RABGEF1: variants seen among roughly 807,000 people sequenced by gnomAD.
RABGEF1 encodes the protein RAB guanine nucleotide exchange factor 1.
A neutral mutation model predicts 57.3 loss-of-function variants in RABGEF1; 26 were observed. That is an observed-to-expected ratio of 0.45 (90% CI 0.33 to 0.63). The LOEUF is 0.63. RABGEF1 is among the 20% of genes least tolerant of loss of function. RABGEF1 has a pLI of 0.02. For missense variants in RABGEF1, 464 were observed against 607.6 expected, an observed-to-expected ratio of 0.76 and a Z score of 2.48; for synonymous variants, 185 against 210.7, an observed-to-expected ratio of 0.88 and a Z score of 1.06.
chr7:66,747,277 T>C (rs1181576439), intron 1 of RABGEF1, among the ~76,000 whole-genome samples: 1 of 152,174 alleles, frequency 6.6e-6, no homozygotes, highest in Non-Finnish European at 1.5e-5. Flanking sequence ...TTTTTAATTT[T>C]CCCCCAGTAA....
intron 1 of RABGEF1, among the ~76,000 whole-genome samples, chr7:66,706,474 A>G (rs1344704887): frequency 6.6e-6 from 1 of 151,898 alleles, no homozygotes; most frequent in African/African-American, 2.4e-5. Flanking sequence ...CAGTGGTGTG[A>G]TCTCTGCTTA....
chr7:66,797,508 T>C lies in RABGEF1; in HGVS notation c.728+2T>C. The C allele has an allele frequency of 6.2e-7, 1 of 1,605,106 alleles. No individual in the cohort carries two copies. Among genetic ancestry groups the C allele is most frequent in the Admixed American group, 1.7e-5 (1 of 57,400 alleles). On this transcript the variant is annotated splice_donor_variant, in intron 6 of 8. Coordinates refer to ENST00000284957, the MANE Select transcript of RABGEF1 (RefSeq NM_014504.3). LOFTEE classifies it high-confidence loss of function. ...TCTTGCCATTCAAAAGAGAATCAGG[T>C]AGTTGCTTATTTTGTTTTGCTTTGT... is the stretch of plus-strand genomic sequence containing the variant.
At chr7:66,807,270 A>G (rs1387819492) in intron 8 of RABGEF1, among the ~76,000 whole-genome samples, 1 of 152,196 alleles carries the variant, frequency 6.6e-6, no homozygotes, top group Non-Finnish European at 1.5e-5. Flanking sequence ...GCTCCAATGA[A>G]ACTGCTCTGG....
At chr7:66,655,802 C>A in the RABGEF1 span, among the ~76,000 whole-genome samples, 1 of 152,174 alleles carries the variant, frequency 6.6e-6, no homozygotes, top group African/African-American at 2.4e-5. Flanking sequence ...TGATTCATAT[C>A]TGCAGGATTA....
At position 66,743,019 on chromosome 7, in the gene RABGEF1, G is replaced by A. The variant is rs144208218; in HGVS notation, c.-18+2227G>A. On this transcript the variant is annotated intron_variant, in intron 1 of 8. Coordinates refer to ENST00000284957, the MANE Select transcript of RABGEF1 (RefSeq NM_014504.3). Reference sequence around the variant, plus strand: ...GCTGGGTCCTTGTGTGGTTAAAATGGGTCTCTCTGGCCAGGCGCGGTGGCT... The same window carrying A: ...GCTGGGTCCTTGTGTGGTTAAAATGAGTCTCTCTGGCCAGGCGCGGTGGCT... Among the ~76,000 whole-genome samples, 1,155 of 152,144 alleles carry A rather than the reference G, an allele frequency of 7.6e-3. 17 individuals are homozygous for A. Among genetic ancestry groups the A allele is most frequent in the African/African-American group, 0.026 (1,086 of 41,510 alleles).
At chr7:66,701,884 G>A (rs577992507) in intron 1 of RABGEF1, among the ~76,000 whole-genome samples, 33 of 152,022 alleles carry the variant, frequency 2.2e-4, no homozygotes, top group Non-Finnish European at 2.4e-4. Context: ...TTTTATTGAT[G>A]ACTGTTTTTA....
chr7:66,684,585 G>A (rs1181205421), intron 1 of RABGEF1, among the ~76,000 whole-genome samples: 1 of 152,148 alleles, frequency 6.6e-6, no homozygotes, highest in Non-Finnish European at 1.5e-5. Flanking sequence ...CTCCCAAGTA[G>A]CTGGGAACAC....
Position 66,795,573 on chromosome 7 carries a change from G to C in RABGEF1, c.576G>C (p.Arg192Ser). 1 of 1,609,854 alleles carries C rather than the reference G, an allele frequency of 6.2e-7. No homozygotes were observed. Among genetic ancestry groups the C allele is most frequent in the Non-Finnish European group, 8.5e-7 (1 of 1,176,120 alleles). ...AQDFYHNVAE[R>S]MQTRGKVPPE... ...ATTTCTACCACAATGTGGCCGAAAG[G>C]ATGCAAACTCGTGGGAAAGGTAACA... The change falls in exon 5 of 9, where the codon AGG (arginine) becomes AGC (serine). Residue 192 changes from arginine to serine, a missense_variant. This residue lies in a region of RABGEF1 where 284 missense variants were observed against 389.9 expected (regional missense o/e 0.73). Coordinates refer to ENST00000284957, the MANE Select transcript of RABGEF1 (RefSeq NM_014504.3).
rs1224800315 is a variant in RABGEF1 at position 66,753,701 on chromosome 7, G to GTTTTTTTT, written c.-18+12925_-18+12932dup. Among the ~76,000 whole-genome samples the GTTTTTTTT allele has an allele frequency of 7.2e-4, 57 of 78,766 alleles. 6 individuals are homozygous for GTTTTTTTT. The highest frequency in any genetic ancestry group is 3.5e-3 in the East Asian group (7 of 2,014). The allele number at this position is 78,766 out of a possible 152,430, so 51.7% of individuals were successfully genotyped here. Reference sequence around the variant, plus strand: ...ATCTGAAAATGTCTATTTTGCCATCGTTTTTTTTTTTTTTTTTTTTTTTGA... The same window carrying GTTTTTTTT: ...ATCTGAAAATGTCTATTTTGCCATCGTTTTTTTTTTTTTTTTTTTTTTTTTTTTTTTGA... On this transcript the variant is annotated intron_variant, in intron 1 of 8. Coordinates refer to ENST00000284957, the MANE Select transcript of RABGEF1 (RefSeq NM_014504.3).
chr7:66,699,143 C>T (rs75769888), intron 1 of RABGEF1, among the ~76,000 whole-genome samples: 4 of 152,162 alleles, frequency 2.6e-5, no homozygotes, highest in African/African-American at 7.2e-5. Flanking sequence ...TGGGTTTCCT[C>T]GTGGGTCCAT....
At chr7:66,800,855 A>T (rs529130996) in intron 7 of RABGEF1, among the ~76,000 whole-genome samples, 7 of 152,288 alleles carry the variant, frequency 4.6e-5, no homozygotes, top group Admixed American at 1.3e-4. Flanking sequence ...TGTTTGTGTG[A>T]CCCATCAGTG....
At chr7:66,732,756 T>G (rs776133857) in intron 2 of RABGEF1, among the ~76,000 whole-genome samples, 16 of 151,946 alleles carry the variant, frequency 1.1e-4, no homozygotes, top group Non-Finnish European at 1.9e-4. Context: ...TCTCGCTCTC[T>G]TGCTGTCTCT....
the RABGEF1 span, among the ~76,000 whole-genome samples, chr7:66,672,446 AAAAAC>A: frequency 2.0e-5 from 3 of 152,142 alleles, no homozygotes; most frequent in African/African-American, 7.2e-5. Context: ...AAACAAACAA[AAAAAC>A]AAAACAAAAC....
chr7:66,706,183 T>C (rs1471819157), intron 1 of RABGEF1, among the ~76,000 whole-genome samples: 1 of 151,900 alleles, frequency 6.6e-6, no homozygotes, highest in African/African-American at 2.4e-5. Flanking sequence ...ATTATAGACA[T>C]GAGCCACCGT....
chr7:66,680,052 A>G (rs1324215722), upstream of RABGEF1, among the ~76,000 whole-genome samples: 4 of 152,160 alleles, frequency 2.6e-5, no homozygotes, highest in Admixed American at 2.0e-4. Flanking sequence ...AAAAAGAGGA[A>G]ACACTCATTC....
chr7:66,743,047 C>A (rs1376103495), intron 1 of RABGEF1, among the ~76,000 whole-genome samples: 1 of 152,112 alleles, frequency 6.6e-6, no homozygotes, highest in Non-Finnish European at 1.5e-5. Flanking sequence ...CGGTGGCTCA[C>A]GCCTGTAATC....
At chr7:66,738,578 A>C (rs973730652), upstream of RABGEF1, among the ~76,000 whole-genome samples, 27 of 151,976 alleles carry the variant, frequency 1.8e-4, no homozygotes, top group African/African-American at 6.3e-4. Context: ...AAAAAACCCC[A>C]AAAACTAGCT....
the RABGEF1 span, among the ~76,000 whole-genome samples, chr7:66,657,585 C>G: frequency 6.6e-6 from 1 of 152,222 alleles, no homozygotes; most frequent in Non-Finnish European, 1.5e-5. Flanking sequence ...TTTTGGGAGG[C>G]TGAAGCGGGA....
At chr7:66,672,519 T>G in the RABGEF1 span, among the ~76,000 whole-genome samples, 1 of 152,224 alleles carries the variant, frequency 6.6e-6, no homozygotes, top group Admixed American at 6.5e-5. Context: ...AGACTTTATG[T>G]CTCAGGTTCC....
Sources: allele counts gnomAD v4.1 joint callset (sites outside exome capture counted in the v4.1 genomes callset), GRCh38; gene constraint gnomAD v4.1.1; regional missense constraint gnomAD v4.1.1; transcripts MANE v1.5; gene names NCBI Gene and HGNC (gene_info 2026-07-23, HGNC 2026-07-21).